The following SSRP1 variants were observed in gnomAD, a reference collection of about 807,000 sequenced individuals.
SSRP1 encodes structure specific recognition protein 1.
A neutral mutation model predicts 84.4 loss-of-function variants in SSRP1; 21 were observed. The observed-to-expected ratio is 0.25, with a 90% CI of 0.18 to 0.36. SSRP1 has a LOEUF of 0.36. SSRP1 is among the 10% of genes least tolerant of loss of function. The pLI is 1.00. For missense variants in SSRP1, 519 were observed against 900.8 expected (o/e 0.58, Z 5.43); for synonymous variants, 319 against 318.3 (o/e 1.00, Z -0.02).
chr11:57,330,885 C>T lies in SSRP1; in HGVS notation c.1266G>A (p.Lys422=), dbSNP rs769623263. The T allele has an allele frequency of 6.8e-6, 11 of 1,614,214 alleles. No homozygotes were observed. The highest frequency in any genetic ancestry group is 9.3e-6 in the Non-Finnish European group (11 of 1,180,026). The stretch of plus-strand genomic sequence containing the variant: ...TCAATCCTCGGTTTTTGATGTTGAG[C>T]TTTTTCGCGTTGACAAAATCAAACA... The part of the protein sequence containing the change: ...GKLFDFVNAK[K]LNIKNRGLKE... Residue 422 remains lysine, a synonymous_variant, in exon 10 of 17, where the codon AAG becomes AAA. Coordinates refer to ENST00000278412, the MANE Select transcript of SSRP1 (RefSeq NM_003146.3). The surrounding 1 kb of genome is among the most constrained non-coding windows in gnomAD (Gnocchi z 4.0).
Position 57,332,916 on chromosome 11 carries a change from G to A in SSRP1, c.537+43C>T, listed in dbSNP as rs1856122768. ...CCTGCTCCCAGGCCAGCCAATGCCT[G>A]CTCAGCACCATCTGCTGCCAAGGCA... On this transcript the variant is annotated intron_variant, in intron 5 of 16. Transcript: ENST00000278412. The surrounding 1 kb of genome is among the most constrained non-coding windows in gnomAD (Gnocchi z 5.5). 7 of 1,598,238 alleles carry A rather than the reference G, an allele frequency of 4.4e-6. No homozygotes were observed. Among genetic ancestry groups the A allele is most frequent in the Non-Finnish European group, 5.1e-6 (6 of 1,169,962 alleles).
In SSRP1 at chr11:57,330,235, G is replaced by C; in HGVS notation, c.1435+56C>G. 2 of 1,614,008 alleles carry C rather than the reference G, an allele frequency of 1.2e-6. No homozygotes were observed. Among genetic ancestry groups the C allele is most frequent in the Non-Finnish European group, 1.7e-6 (2 of 1,179,978 alleles). On this transcript the variant is annotated intron_variant, in intron 11 of 16. Transcript: ENST00000278412. The surrounding 1 kb of genome is among the most constrained non-coding windows in gnomAD (Gnocchi z 4.0). ...TCTGGCCCAAGGGTGAGTCCAGCCCGGGCCACAGCGAGGAGCGTCTGACCA... is the reference window on the plus strand; with the variant it reads ...TCTGGCCCAAGGGTGAGTCCAGCCCCGGCCACAGCGAGGAGCGTCTGACCA...
chr11:57,326,877 CTTT>C lies in SSRP1; in HGVS notation c.1881_1883del (p.Lys632del), dbSNP rs749275379. ...TCTTTACCTTTACTTTCTTCTTCTT[CTTT>C]GACTTGTCCCTGTATTGGCAAGAGG... On this transcript the variant is annotated inframe_deletion, in exon 16 of 17. Coordinates refer to ENST00000278412, the MANE Select transcript of SSRP1 (RefSeq NM_003146.3). The C allele has an allele frequency of 1.3e-5, 21 of 1,606,944 alleles. No homozygotes were observed. Among genetic ancestry groups the C allele is most frequent in the Admixed American group, 1.2e-4 (7 of 58,720 alleles).
At chr11:57,327,354 C>T (rs12790394) in intron 15 of SSRP1, 72 bp downstream of exon 15, 59,105 of 1,461,604 alleles carry the variant, frequency 0.04, 1,454 homozygotes, top group South Asian at 0.044. Context: ...TTCCAATGCT[C>T]AACTTCGGCC....
chr11:57,334,373 G>A (rs1410290556), intron 3 of SSRP1, 90 bp downstream of exon 3: 62 of 1,478,542 alleles, frequency 4.2e-5, no homozygotes, highest in Non-Finnish European at 5.6e-5. Flanking sequence ...AGCAATCACA[G>A]GGTTACATGA....
At position 57,330,473 on chromosome 11, in the gene SSRP1, C is replaced by A. The variant is rs764023688; in HGVS notation, c.1297-44G>T. The A allele has an allele frequency of 6.2e-7, 1 of 1,608,486 alleles. No homozygotes were observed. Among genetic ancestry groups the A allele is most frequent in the East Asian group, 2.2e-5 (1 of 44,846 alleles). On this transcript the variant is annotated intron_variant, in intron 10 of 16. Transcript: ENST00000278412. This position sits in a 1 kb window ranked among gnomAD's most constrained non-coding sequence, Gnocchi z 4.0. ...ACGGTGGGGCCAACTCACCCTCGAG[C>A]CAGAATCCCTGCACACTCAAAAGCA...
intron 15 of SSRP1, chr11:57,327,183 T>C: frequency 1.5e-6 from 1 of 651,990 alleles, no homozygotes; most frequent in Non-Finnish European, 2.6e-6. Context: ...AGTATTTTTT[T>C]CGTTCCCCCA....
rs779521695 is a variant in SSRP1 at position 57,327,692 on chromosome 11, C to A, written c.1782+20G>T. The stretch of plus-strand genomic sequence containing the variant: ...TCGCCAGCCCATGAGAGGCATCACC[C>A]CTCCTCTGCTGCTACTCACCTCTTT... On this transcript the variant is annotated intron_variant, in intron 14 of 16. Coordinates refer to ENST00000278412, the MANE Select transcript of SSRP1 (RefSeq NM_003146.3). The A allele has an allele frequency of 2.5e-6, 4 of 1,613,082 alleles. No individual in the cohort carries two copies. Among genetic ancestry groups the A allele is most frequent in the Non-Finnish European group, 2.5e-6 (3 of 1,179,240 alleles).
chr11:57,334,931 G>T (rs1856178159), intron 2 of SSRP1, 137 bp downstream of exon 2: 1 of 1,018,238 alleles, frequency 9.8e-7, no homozygotes, highest in East Asian at 2.4e-5. Flanking sequence ...CCTTGAGTTG[G>T]TGGAGACACT....
chr11:57,329,392 A>G (rs1856046690), intron 12 of SSRP1: 1 of 152,772 alleles, frequency 6.5e-6, no homozygotes, highest in Admixed American at 6.5e-5. Context: ...CCATTCTAAT[A>G]ACTCAGGCTA....
Position 57,331,737 on chromosome 11 carries a change from G to T in SSRP1, c.1154C>A (p.Thr385Asn). Residue 385 changes from threonine to asparagine, a missense_variant, in exon 9 of 17, where the codon ACT (threonine) becomes AAT (asparagine). Around this residue, in one of 7 missense-constraint regions of SSRP1, gnomAD observed 1 missense variants for 23.3 expected, o/e 0.04. Transcript: ENST00000278412. ...SFVNFARGTTTTRSFDFEIET... is the reference protein window; with the variant it reads ...SFVNFARGTTNTRSFDFEIET... ...AATTTCAAAGTCAAAGGAACGAGTA[G>T]TAGTGGTACCACGAGCAAAGTTGAC... 3 of 1,614,220 alleles carry T rather than the reference G, an allele frequency of 1.9e-6. No individual in the cohort carries two copies. Among genetic ancestry groups the T allele is most frequent in the Non-Finnish European group, 2.5e-6 (3 of 1,180,038 alleles).
At chr11:57,327,118 T>C (rs4938862) in intron 15 of SSRP1, 775,949 of 780,396 alleles carry the variant, frequency 0.99, 385,908 homozygotes, top group East Asian at 1. Context: ...ACCTACTTGA[T>C]ATTTCTTGCT....
chr11:57,327,535 AAC>A (rs1565051329), intron 14 of SSRP1, 21 bp from the exon 15 acceptor site: 7 of 1,613,768 alleles, frequency 4.3e-6, no homozygotes, highest in East Asian at 4.5e-5. Flanking sequence ...CACAGAAAAA[AAC>A]AGTTAAGAAT....
Position 57,334,511 on chromosome 11 carries a change from C to A in SSRP1, c.192G>T (p.Leu64=). 2.5e-6 allele frequency: 4 copies of A among 1,614,232 alleles called. 1 individual carries two copies. The South Asian group carries it at 4.4e-5, about 18-fold the overall frequency. ...TGTAGACATGGCCATTCTTTGTAAG[C>A]AGTTTAAGTCCATGGCCCAGAGCAA... ...RRVALGHGLK[L]LTKNGHVYKY... Residue 64 remains leucine (L), a synonymous_variant, in exon 3 of 17, where the codon CTG becomes CTT. Coordinates refer to ENST00000278412, the MANE Select transcript of SSRP1 (RefSeq NM_003146.3).
In SSRP1 at chr11:57,334,951, T is replaced by C. The variant is rs76197487; in HGVS notation, c.54+117A>G. 2,996 of 1,230,984 alleles carry C rather than the reference T, an allele frequency of 2.4e-3. 55 individuals are homozygous for C. The African/African-American group carries it at 0.039, about 16-fold the overall frequency. 76.3% of individuals were successfully genotyped at this position (1,230,984 alleles called of 1,614,324 possible). ...AGTTGGTGGAGACACTAGGTACACA[T>C]TATACTGAGTCTTCTTTTTCCAAAA... On this transcript the variant is annotated intron_variant, in intron 2 of 16. Coordinates refer to ENST00000278412, the MANE Select transcript of SSRP1 (RefSeq NM_003146.3).
At chr11:57,331,564 A>G (rs2134389878) in intron 9 of SSRP1, 104 bp downstream of exon 9, 1 of 856,866 alleles carries the variant, frequency 1.2e-6, no homozygotes, top group East Asian at 2.5e-5. Context: ...GCAAAAGAAA[A>G]ATTCTGCTCT....
Position 57,335,452 on chromosome 11 carries a change from C to A in SSRP1, c.-119-212G>T. 1 of 323,516 alleles carries A rather than the reference C, an allele frequency of 3.1e-6. No individual in the cohort carries two copies. The allele number at this position is 323,516 out of a possible 1,614,324, so 20.0% of individuals were successfully genotyped here. A position where few individuals can be genotyped will look rare whatever the true frequency, so the allele number is the denominator to read the frequency against. On this transcript the variant is annotated intron_variant, in intron 1 of 16. Transcript: ENST00000278412. The surrounding 1 kb of genome is among the most constrained non-coding windows in gnomAD (Gnocchi z 4.6). ...TACCGCTGACACCCAACCCGACGCC[C>A]GCTCTGGCCGCTCCGGCGGGAGCCA...
rs2134396037 is a variant in SSRP1 at position 57,335,611 on chromosome 11, G to GC, written c.-120+118dup. ...GGCCCCAGACCCACGGTTCACCCCCGCCCCACATAATGGATTCGCCCGCTC... is the reference window on the plus strand; with the variant it reads ...GGCCCCAGACCCACGGTTCACCCCCGCCCCCACATAATGGATTCGCCCGCTC... On this transcript the variant is annotated intron_variant, in intron 1 of 16. Coordinates refer to ENST00000278412, the MANE Select transcript of SSRP1 (RefSeq NM_003146.3). This position sits in a 1 kb window ranked among gnomAD's most constrained non-coding sequence, Gnocchi z 4.6. The GC allele has an allele frequency of 5.7e-6, 1 of 175,188 alleles. No homozygotes were observed. Among genetic ancestry groups the GC allele is most frequent in the Admixed American group, 5.5e-5 (1 of 18,210 alleles). The allele number at this position is 175,188 out of a possible 1,614,324, so 10.9% of individuals were successfully genotyped here. A position where few individuals can be genotyped will look rare whatever the true frequency, so the allele number is the denominator to read the frequency against.
At position 57,330,636 on chromosome 11, in the gene SSRP1, C is replaced by T. The variant is rs1856069974; in HGVS notation, c.1297-207G>A. On this transcript the variant is annotated intron_variant, in intron 10 of 16. Transcript: ENST00000278412. The surrounding 1 kb of genome is among the most constrained non-coding windows in gnomAD (Gnocchi z 4.0). ...TAGTCCAAGCCCCAAGCCCCTCCCT[C>T]TCCCAGCCCCACTGGGGGCTCCTGA... is the stretch of plus-strand genomic sequence containing the variant. The T allele has an allele frequency of 4.2e-6, 6 of 1,440,264 alleles. No individual in the cohort carries two copies. In the South Asian group the frequency reaches 8.9e-5, roughly 21 times the overall value. 89.2% of individuals were successfully genotyped at this position (1,440,264 alleles called of 1,614,324 possible).
Sources: gnomAD v4.1 joint callset for allele counts on GRCh38, gnomAD v4.1.1 for gene constraint, gnomAD v4.1.1 regional missense constraint, Gnocchi (gnomAD v3.1) non-coding constraint, MANE v1.5 for transcripts, NCBI Gene and HGNC (gene_info 2026-07-23, HGNC 2026-07-21) for gene names.